GFOD1: variants seen among roughly 807,000 people sequenced by gnomAD.
The protein encoded by GFOD1 is Gfo/Idh/MocA-like oxidoreductase domain containing 1, also known as glucose-fructose oxidoreductase domain-containing protein 1.
In GFOD1, 9 loss-of-function variants were observed where a neutral mutation model predicts 25.4. The ratio of observed to expected loss-of-function variants is 0.35; its 90% CI spans 0.21 to 0.62. The LOEUF (loss-of-function observed/expected upper bound fraction) is 0.62, where lower values mean the gene tolerates loss of function less well. Ranked by LOEUF, GFOD1 falls within the 20% of genes least tolerant of loss-of-function variation. GFOD1 has a pLI of 0.72. For synonymous variants in GFOD1, 253 were observed against 245.6 expected (o/e 1.03, Z -0.28); for missense variants, 403 against 556.9 (o/e 0.72, Z 2.78).
At chr6:13,381,134 G>A (rs765743331) in intron 1 of GFOD1, among the ~76,000 whole-genome samples, 1 of 152,114 alleles carries the variant, frequency 6.6e-6, no homozygotes, top group African/African-American at 2.4e-5. Flanking sequence ...TGCTGCCCCT[G>A]GTGCTGGCTG....
chr6:13,483,216 G>A (rs1370191899), intron 1 of GFOD1, among the ~76,000 whole-genome samples: 1 of 152,082 alleles, frequency 6.6e-6, no homozygotes, highest in Non-Finnish European at 1.5e-5. Flanking sequence ...GGTATGTAGG[G>A]TGGGGGGTTT....
rs372558807 is a variant in GFOD1, at chr6:13,477,496, C to T, written c.253+9142G>A. Among the ~76,000 whole-genome samples, 44 of 152,108 alleles carry T rather than the reference C, an allele frequency of 2.9e-4. 1 individual carries two copies. Among genetic ancestry groups the T allele is most frequent in the East Asian group, 2.1e-3 (11 of 5,164 alleles). ...AGCAGAAAGGGACTATGTCTCGTGG[C>T]ACTCCTGTGACCTGCTGCACACACT... On this transcript the variant is annotated intron_variant, in intron 1 of 1. Transcript: ENST00000379287.
rs781555088 is a variant in GFOD1, at chr6:13,364,760, T to A, written c.1156A>T (p.Met386Leu). 6.2e-7 allele frequency: 1 copy of A among 1,612,660 alleles called. No individual in the cohort carries two copies. ...AATCTGTGCTAACAGTAGAGGGACATCCTGCTGCGGCGCATGGCCTCGCTG... is the reference window on the plus strand; with the variant it reads ...AATCTGTGCTAACAGTAGAGGGACAACCTGCTGCGGCGCATGGCCTCGCTG... ...LISEAMRRSR[M>L]SLYC The change falls in exon 2 of 2, where the codon ATG (methionine) becomes TTG (leucine). Residue 386 changes from methionine (M) to leucine (L), a missense_variant. By Grantham distance (15) the Met-to-Leu change is conservative (BLOSUM62 2). Coordinates refer to ENST00000379287, the MANE Select transcript of GFOD1 (RefSeq NM_018988.4). This position sits in a 1 kb window ranked among gnomAD's most constrained non-coding sequence, Gnocchi z 4.1.
chr6:13,445,201 C>G (rs923556767), intron 1 of GFOD1, among the ~76,000 whole-genome samples: 1 of 152,210 alleles, frequency 6.6e-6, no homozygotes, highest in Non-Finnish European at 1.5e-5. Context: ...AAGGTATCGG[C>G]TGGCAGCCTT....
intron 1 of GFOD1, among the ~76,000 whole-genome samples, chr6:13,414,429 G>A (rs1584637947): frequency 6.6e-6 from 1 of 152,362 alleles, no homozygotes; most frequent in African/African-American, 2.4e-5. Flanking sequence ...TTAAGAGGCT[G>A]AGAAGCTGAG....
chr6:13,445,628 C>T (rs1757989859), intron 1 of GFOD1, among the ~76,000 whole-genome samples: 1 of 152,222 alleles, frequency 6.6e-6, no homozygotes, highest in Admixed American at 6.5e-5. Flanking sequence ...ACAGCTGGGT[C>T]TGGCATCTCT....
At chr6:13,381,668 A>C (rs967324453) in intron 1 of GFOD1, among the ~76,000 whole-genome samples, 1 of 152,202 alleles carries the variant, frequency 6.6e-6, no homozygotes, top group Non-Finnish European at 1.5e-5. Flanking sequence ...GATGTCTCAG[A>C]CACTGCAATG....
At position 13,462,174 on chromosome 6, in the gene GFOD1, C is replaced by T. The variant is rs1032216256; in HGVS notation, c.253+24464G>A. Among the ~76,000 whole-genome samples the T allele has an allele frequency of 1.9e-4, 29 of 152,266 alleles. 1 individual carries two copies. The highest frequency in any genetic ancestry group is 2.1e-4 in the South Asian group (1 of 4,824). On this transcript the variant is annotated intron_variant, in intron 1 of 1. Coordinates refer to ENST00000379287, the MANE Select transcript of GFOD1 (RefSeq NM_018988.4). ...TACCATGGGGTTTGCATTTATGTCG[C>T]GGGTGAGGAAGGATCTGATATAGTG...
chr6:13,434,896 G>T (rs1757809908), intron 1 of GFOD1, among the ~76,000 whole-genome samples: 1 of 152,228 alleles, frequency 6.6e-6, no homozygotes, highest in Admixed American at 6.5e-5. Flanking sequence ...TGTTCAACCA[G>T]CATCTGACCC....
intron 1 of GFOD1, among the ~76,000 whole-genome samples, chr6:13,448,230 C>T (rs535529362): frequency 9.8e-5 from 15 of 152,326 alleles, no homozygotes; most frequent in Admixed American, 3.3e-4. Context: ...CCACACCTGA[C>T]TCTGGGGACA....
At chr6:13,480,266 A>G (rs1365607175) in intron 1 of GFOD1, among the ~76,000 whole-genome samples, 1 of 152,180 alleles carries the variant, frequency 6.6e-6, no homozygotes, top group African/African-American at 2.4e-5. Context: ...TCCCATGGAG[A>G]AACTTCACCA....
chr6:13,463,286 C>T (rs897343270), intron 1 of GFOD1, among the ~76,000 whole-genome samples: 1 of 152,172 alleles, frequency 6.6e-6, no homozygotes, highest in Non-Finnish European at 1.5e-5. Flanking sequence ...AGGGGTCTCA[C>T]TGCCAATTAG....
intron 1 of GFOD1, among the ~76,000 whole-genome samples, chr6:13,407,297 A>C (rs1785964239): frequency 6.6e-6 from 1 of 152,204 alleles, no homozygotes; most frequent in Admixed American, 6.5e-5. Context: ...AGAAGAAAGG[A>C]GGATACCCTT....
Position 13,448,560 on chromosome 6 carries a change from CT to C in GFOD1, c.253+38077del, listed in dbSNP as rs1758044152. Reference sequence around the variant, plus strand: ...ATTTGTGCTCTTATTAGTCTTCCACCTGATAAGGATCTGGTGAACAAATTTG... The same window carrying C: ...ATTTGTGCTCTTATTAGTCTTCCACCGATAAGGATCTGGTGAACAAATTTG... On this transcript the variant is annotated intron_variant, in intron 1 of 1. Coordinates refer to ENST00000379287, the MANE Select transcript of GFOD1 (RefSeq NM_018988.4). 2.6e-5 allele frequency among the ~76,000 whole-genome samples: 4 copies of C among 152,188 alleles called. No individual in the cohort carries two copies. The South Asian group carries it at 8.3e-4, about 32-fold the overall frequency.
intron 1 of GFOD1, among the ~76,000 whole-genome samples, chr6:13,460,525 G>T (rs1584665260): frequency 6.6e-6 from 1 of 152,196 alleles, no homozygotes; most frequent in South Asian, 2.1e-4. Context: ...CATGGATGGA[G>T]CTGGAAGCCA....
Position 13,423,184 on chromosome 6 carries a change from G to A in GFOD1, c.254-57522C>T, listed in dbSNP as rs968950497. On this transcript the variant is annotated intron_variant, in intron 1 of 1. Transcript: ENST00000379287. ...ATAAGGGAATGAAACCCCAGACAGT[G>A]TTAGATTTCAAGATAAATATAGACA... Among the ~76,000 whole-genome samples, 28 of 147,020 alleles carry A rather than the reference G, an allele frequency of 1.9e-4. 1 individual carries two copies. The highest frequency in any genetic ancestry group is 6.8e-4 in the African/African-American group (25 of 36,750).
intron 1 of GFOD1, among the ~76,000 whole-genome samples, chr6:13,372,359 T>G (rs533832067): frequency 1.3e-5 from 2 of 152,194 alleles, no homozygotes; most frequent in Non-Finnish European, 2.9e-5. Flanking sequence ...GCTGAATGTG[T>G]TCTCTGTAAC....
At chr6:13,394,415 G>GT (rs1785684705) in intron 1 of GFOD1, among the ~76,000 whole-genome samples, 1 of 151,634 alleles carries the variant, frequency 6.6e-6, no homozygotes, top group African/African-American at 2.4e-5. Context: ...GTGTCTGGCG[G>GT]GGGGAAGGAT....
At chr6:13,423,806 G>T (rs577529244) in intron 1 of GFOD1, among the ~76,000 whole-genome samples, 1 of 152,046 alleles carries the variant, frequency 6.6e-6, no homozygotes, top group Non-Finnish European at 1.5e-5. Flanking sequence ...TCTACCTCCC[G>T]CCCGAAGCAA....
Sources: allele counts gnomAD v4.1 joint callset (sites outside exome capture counted in the v4.1 genomes callset), GRCh38; gene constraint gnomAD v4.1.1; non-coding constraint Gnocchi (gnomAD v3.1); transcripts MANE v1.5; gene names NCBI Gene and HGNC (gene_info 2026-07-23, HGNC 2026-07-21).